The following PGPEP1L variants were observed in gnomAD, a reference collection of about 807,000 sequenced individuals.
PGPEP1L encodes pyroglutamyl-peptidase 1-like protein.
PGPEP1L carries 7 observed loss-of-function variants against 6.0 expected under a neutral mutation model. The observed-to-expected ratio is 1.17, with a 90% CI of 0.66 to 2.19. The LOEUF is 2.19. Ranked by LOEUF, PGPEP1L falls within the 30% of genes most tolerant of loss-of-function variation. PGPEP1L has a pLI of 0.00. For missense variants in PGPEP1L, 209 were observed against 192.5 expected, an observed-to-expected ratio of 1.09 and a Z score of -0.51; for synonymous variants, 103 against 83.9, an observed-to-expected ratio of 1.23 and a Z score of -1.24.
chr15:98,983,936 T>A (rs1283660009), intron 2 of PGPEP1L, among the ~76,000 whole-genome samples: 2 of 152,036 alleles, frequency 1.3e-5, no homozygotes. Flanking sequence ...GGTGTAAAAT[T>A]GAACATTTTT....
intron 2 of PGPEP1L, among the ~76,000 whole-genome samples, chr15:99,003,358 C>G (rs1256555648): frequency 6.6e-6 from 1 of 151,390 alleles, no homozygotes; most frequent in Non-Finnish European, 1.5e-5. Flanking sequence ...TTAGAAAAAT[C>G]AACTCTGCAA....
rs1294824286 is a variant in PGPEP1L, at chr15:98,969,428, C to T, written c.206G>A (p.Gly69Asp). ...GVDVIFSRDAGRYVCDYTYYL... is the reference protein window; with the variant it reads ...GVDVIFSRDADRYVCDYTYYL... ...TCCTGACACCCACAGAGCATACCTG[C>T]CTGCATCTCGGGAAAAGATCACGTC... Residue 69 changes from glycine to aspartate, a missense_variant, in exon 4 of 5, where the codon GGC becomes GAC. Gly to Asp is a moderately conservative substitution (Grantham distance 94). Transcript: ENST00000535714. The T allele has an allele frequency of 1.2e-6, 2 of 1,613,896 alleles. No homozygotes were observed.
chr15:98,979,753 G>A (rs574035187), intron 2 of PGPEP1L, among the ~76,000 whole-genome samples: 9 of 143,160 alleles, frequency 6.3e-5, no homozygotes, highest in South Asian at 2.2e-4. Flanking sequence ...GGGTTCAAGC[G>A]ATTCTTCTGC....
intron 2 of PGPEP1L, among the ~76,000 whole-genome samples, chr15:98,989,718 G>A (rs2017793833): frequency 6.6e-6 from 1 of 152,124 alleles, no homozygotes; most frequent in African/African-American, 2.4e-5. Context: ...AAAATGTTAA[G>A]GGCACCCAGA....
intron 2 of PGPEP1L, among the ~76,000 whole-genome samples, chr15:98,981,363 G>A (rs1278376699): frequency 1.3e-5 from 2 of 151,778 alleles, no homozygotes; most frequent in Non-Finnish European, 2.9e-5. Context: ...GCTGGCGGGC[G>A]CCTGTAGTCC....
intron 2 of PGPEP1L, among the ~76,000 whole-genome samples, chr15:98,992,458 A>G (rs1403158588): frequency 2.0e-5 from 3 of 152,244 alleles, no homozygotes; most frequent in Admixed American, 2.0e-4. Context: ...GGACACAAAC[A>G]AATGGAAAAA....
intron 2 of PGPEP1L, among the ~76,000 whole-genome samples, chr15:98,978,480 T>C (rs1005228282): frequency 6.6e-6 from 1 of 152,148 alleles, no homozygotes; most frequent in African/African-American, 2.4e-5. Context: ...CTGACATTTT[T>C]CAAGATTTGT....
intron 2 of PGPEP1L, among the ~76,000 whole-genome samples, chr15:98,977,001 G>A (rs1316626268): frequency 1.4e-4 from 6 of 43,082 alleles, no homozygotes; most frequent in Non-Finnish European, 1.8e-4. Flanking sequence ...CAAGTAAAAT[G>A]GCAAAAAAAA....
intron 2 of PGPEP1L, among the ~76,000 whole-genome samples, chr15:98,985,046 G>A (rs1034903010): frequency 2.0e-5 from 3 of 152,110 alleles, no homozygotes; most frequent in Admixed American, 2.0e-4. Flanking sequence ...GCCCTATGGT[G>A]AGCAAGAAGA....
intron 1 of PGPEP1L, among the ~76,000 whole-genome samples, chr15:99,006,534 A>G (rs573205145): frequency 4.0e-4 from 61 of 152,388 alleles, no homozygotes; most frequent in African/African-American, 1.3e-3. Context: ...ATTTAAAAAC[A>G]AAACAAACTT....
At chr15:99,003,279 A>T (rs1320848037) in intron 2 of PGPEP1L, among the ~76,000 whole-genome samples, 1 of 151,448 alleles carries the variant, frequency 6.6e-6, no homozygotes, top group African/African-American at 2.4e-5. Flanking sequence ...AGCAACACAC[A>T]CAAAAATCAC....
intron 3 of PGPEP1L, among the ~76,000 whole-genome samples, chr15:98,970,558 G>T (rs2017478949): frequency 6.6e-6 from 1 of 151,928 alleles, no homozygotes; most frequent in Admixed American, 6.6e-5. Flanking sequence ...TTTTTTTGGG[G>T]GGGTGGGGTT....
chr15:98,969,069 CTT>C (rs1427116813), intron 4 of PGPEP1L, among the ~76,000 whole-genome samples: 4 of 152,220 alleles, frequency 2.6e-5, no homozygotes, highest in Non-Finnish European at 2.9e-5. Flanking sequence ...GTAAATCAAT[CTT>C]TATCTGGGGC....
chr15:98,997,449 G>A (rs138118172), intron 2 of PGPEP1L, among the ~76,000 whole-genome samples: 1 of 152,332 alleles, frequency 6.6e-6, no homozygotes, highest in Non-Finnish European at 1.5e-5. Context: ...ATGGCCAAGT[G>A]TGAATAAGCA....
At chr15:98,989,736 G>T (rs535629410) in intron 2 of PGPEP1L, among the ~76,000 whole-genome samples, 35 of 152,264 alleles carry the variant, frequency 2.3e-4, no homozygotes, top group African/African-American at 8.2e-4. Context: ...AGAGAGAAAG[G>T]TCGGGTTACC....
In PGPEP1L at chr15:99,005,600, C is replaced by T; in HGVS notation, c.-313G>A. 1 of 152,430 alleles carries T rather than the reference C, an allele frequency of 6.6e-6. No homozygotes were observed. The highest frequency in any genetic ancestry group is 1.5e-5 in the Non-Finnish European group (1 of 68,114). 9.4% of individuals were successfully genotyped at this position (152,430 alleles called of 1,614,324 possible). ...CGGGGACCGGGGTGGAGCGGGAGCC[C>T]AACCCCTCCTGGCCGCCCGGCGTCC... is the stretch of plus-strand genomic sequence containing the variant. On this transcript the variant is annotated 5_prime_UTR_variant, in exon 2 of 5. Transcript: ENST00000535714.
chr15:98,984,167 C>T (rs1223462373), intron 2 of PGPEP1L, among the ~76,000 whole-genome samples: 3 of 151,966 alleles, frequency 2.0e-5, no homozygotes, highest in Admixed American at 1.3e-4. Context: ...CCCACCACCA[C>T]GCCCGGCTAA....
intron 2 of PGPEP1L, among the ~76,000 whole-genome samples, chr15:98,991,427 A>G (rs1555472060): frequency 1.3e-5 from 2 of 152,212 alleles, no homozygotes; most frequent in Non-Finnish European, 1.5e-5. Flanking sequence ...AAATCCCTAA[A>G]TAGACCAATA....
chr15:98,991,609 G>A (rs1219197128), intron 2 of PGPEP1L, among the ~76,000 whole-genome samples: 1 of 152,072 alleles, frequency 6.6e-6, no homozygotes, highest in Non-Finnish European at 1.5e-5. Context: ...TTTAGGAGGC[G>A]AGCATCATCC....
Sources: gnomAD v4.1 joint callset for allele counts (sites outside exome capture counted in the v4.1 genomes callset) on GRCh38, gnomAD v4.1.1 for gene constraint, MANE v1.5 for transcripts, NCBI Gene and HGNC (gene_info 2026-07-23, HGNC 2026-07-21) for gene names.